Variants in HSD11B1 observed in about 807,000 individuals in gnomAD.
HSD11B1 encodes 11-beta-hydroxysteroid dehydrogenase 1.
A neutral mutation model predicts 22.1 loss-of-function variants in HSD11B1; 15 were observed. The observed-to-expected ratio is 0.68, with a 90% CI of 0.45 to 1.04. The LOEUF is 1.04. Ranked by LOEUF, HSD11B1 falls within the 50% of genes least tolerant of loss-of-function variation. HSD11B1 has a pLI of 0.00. For missense variants in HSD11B1, 281 were observed against 357.6 expected, an observed-to-expected ratio of 0.79 and a Z score of 1.73; for synonymous variants, 122 against 125.2, an observed-to-expected ratio of 0.97 and a Z score of 0.17.
intron 4 of HSD11B1, among the ~76,000 whole-genome samples, chr1:209,720,504 C>G (rs1436140603): frequency 2.6e-5 from 4 of 151,410 alleles, no homozygotes; most frequent in Non-Finnish European, 5.9e-5. Context: ...ACATGACATT[C>G]TCTTGCTTGC....
In HSD11B1 at chr1:209,732,439, A is replaced by C. The variant is rs2077041261; in HGVS notation, c.521A>C (p.Lys174Thr). 6.2e-7 allele frequency: 1 copy of C among 1,613,984 alleles called. No homozygotes were observed. The highest frequency in any genetic ancestry group is 8.5e-7 in the Non-Finnish European group (1 of 1,180,000). Residue 174 changes from lysine to threonine, a missense_variant, in exon 5 of 6, where the codon AAA becomes ACA. By Grantham distance (78) the Lys-to-Thr change is moderately conservative. Coordinates refer to ENST00000367027, the MANE Select transcript of HSD11B1 (RefSeq NM_005525.4). ...SIVVVSSLAG[K>T]VAYPMVAAYS... ...ATTTCTTTAATCTGTCATTTAGGGA[A>C]AGTGGCTTATCCAATGGTTGCTGCC...
chr1:209,708,434 G>A (rs987510232), intron 4 of HSD11B1, among the ~76,000 whole-genome samples: 1 of 152,172 alleles, frequency 6.6e-6, no homozygotes, highest in African/African-American at 2.4e-5. Context: ...TTGGATAAAG[G>A]GGCAGTGTGT....
At chr1:209,694,718 T>A (rs1260822146) in intron 1 of HSD11B1, among the ~76,000 whole-genome samples, 1 of 152,262 alleles carries the variant, frequency 6.6e-6, no homozygotes, top group Non-Finnish European at 1.5e-5. Context: ...GGGATATTCA[T>A]GTCTTAAGTT....
chr1:209,711,640 G>A (rs2076896128), intron 4 of HSD11B1, among the ~76,000 whole-genome samples: 2 of 152,090 alleles, frequency 1.3e-5, no homozygotes, highest in Non-Finnish European at 2.9e-5. Context: ...GTGTAGACGT[G>A]TCATCCATAG....
chr1:209,709,544 A>G (rs2076881391), intron 4 of HSD11B1, among the ~76,000 whole-genome samples: 1 of 152,112 alleles, frequency 6.6e-6, no homozygotes, highest in Non-Finnish European at 1.5e-5. Context: ...TATTTATCTC[A>G]CACAAAACAC....
At chr1:209,695,862 T>C (rs1415513324) in intron 1 of HSD11B1, among the ~76,000 whole-genome samples, 2 of 152,202 alleles carry the variant, frequency 1.3e-5, no homozygotes, top group Non-Finnish European at 2.9e-5. Context: ...AATGCCACTC[T>C]TGGGCATGTA....
At chr1:209,714,679 AT>A (rs2076919497) in intron 4 of HSD11B1, among the ~76,000 whole-genome samples, 1 of 152,234 alleles carries the variant, frequency 6.6e-6, no homozygotes, top group East Asian at 1.9e-4. Flanking sequence ...TGTCTGATGC[AT>A]TGTCGAGCAT....
chr1:209,692,547 T>C (rs1406551298), intron 1 of HSD11B1, among the ~76,000 whole-genome samples: 1 of 131,230 alleles, frequency 7.6e-6, no homozygotes, highest in East Asian at 2.2e-4. Context: ...AGGCACCCCC[T>C]GGGGGATGAT....
intron 1 of HSD11B1, among the ~76,000 whole-genome samples, chr1:209,695,723 C>T (rs2076786822): frequency 6.6e-6 from 1 of 152,176 alleles, no homozygotes. Flanking sequence ...AGGAGAATCG[C>T]TTGAACCTGG....
At chr1:209,725,059 C>T (rs888499556) in intron 4 of HSD11B1, among the ~76,000 whole-genome samples, 4 of 152,132 alleles carry the variant, frequency 2.6e-5, no homozygotes, top group Non-Finnish European at 2.9e-5. Flanking sequence ...AGTGAGGCTA[C>T]TTAAATCCTT....
rs11802270 is a variant in HSD11B1, at chr1:209,717,712, C to T, written c.517+10584C>T. Among the ~76,000 whole-genome samples the T allele has an allele frequency of 4.0e-3, 607 of 151,750 alleles. 8 individuals carry two copies. The highest frequency in any genetic ancestry group is 0.014 in the African/African-American group (574 of 41,404). ...CTCTACTAAAAATACAAAAATTAGC[C>T]AGGCTTGGTGGCCTATGCCTGTAAT... On this transcript the variant is annotated intron_variant, in intron 4 of 5. Transcript: ENST00000367027.
chr1:209,731,155 T>C (rs2077033477), intron 4 of HSD11B1, among the ~76,000 whole-genome samples: 1 of 152,230 alleles, frequency 6.6e-6, no homozygotes, highest in South Asian at 2.1e-4. Flanking sequence ...CTGAATCCTA[T>C]ACATAAGCTC....
At chr1:209,733,089 C>G (rs748128547) in intron 5 of HSD11B1, among the ~76,000 whole-genome samples, 2 of 152,174 alleles carry the variant, frequency 1.3e-5, no homozygotes, top group Non-Finnish European at 2.9e-5. Flanking sequence ...CATCACTTAA[C>G]CCTTTGCTGA....
In HSD11B1 at chr1:209,706,784, G is replaced by C. The variant is rs200402963; in HGVS notation, c.295G>C (p.Ala99Pro). The change falls in exon 3 of 6, where the codon GCA becomes CCA. Residue 99 changes from alanine to proline, a missense_variant. Coordinates refer to ENST00000367027, the MANE Select transcript of HSD11B1 (RefSeq NM_005525.4). This position sits in a 1 kb window ranked among gnomAD's most constrained non-coding sequence, Gnocchi z 4.0. ...IAGTMEDMTF[A>P]EQFVAQAGKL... ...TGGCACCATGGAAGACATGACCTTC[G>C]CAGAGCAATTTGTTGCCCAAGCAGG... 2 of 1,614,058 alleles carry C rather than the reference G, an allele frequency of 1.2e-6. No homozygotes were observed. Among genetic ancestry groups the C allele is most frequent in the South Asian group, 2.2e-5 (2 of 91,086 alleles).
chr1:209,713,392 T>TATGC (rs1198267541), intron 4 of HSD11B1, among the ~76,000 whole-genome samples: 2 of 152,236 alleles, frequency 1.3e-5, no homozygotes, highest in African/African-American at 4.8e-5. Context: ...ATTGTGTGTG[T>TATGC]ATGCATGCAT....
chr1:209,710,773 C>G (rs1424883982), intron 4 of HSD11B1, among the ~76,000 whole-genome samples: 1 of 152,156 alleles, frequency 6.6e-6, no homozygotes, highest in Non-Finnish European at 1.5e-5. Flanking sequence ...AATAAAAGAA[C>G]CTTGTCAATA....
At chr1:209,691,207 C>T (rs1271531865) in intron 1 of HSD11B1, among the ~76,000 whole-genome samples, 1 of 152,140 alleles carries the variant, frequency 6.6e-6, no homozygotes, top group Non-Finnish European at 1.5e-5. Context: ...ACCTAGAAAT[C>T]CTTACCCGGC....
At chr1:209,733,210 A>G (rs1389442550) in intron 5 of HSD11B1, among the ~76,000 whole-genome samples, 44 of 152,246 alleles carry the variant, frequency 2.9e-4, no homozygotes, top group Admixed American at 2.7e-3. Flanking sequence ...ACACACTGGT[A>G]TCATGAACTC....
intron 4 of HSD11B1, among the ~76,000 whole-genome samples, chr1:209,721,128 G>C (rs142555180): frequency 3.3e-5 from 5 of 152,178 alleles, no homozygotes; most frequent in Non-Finnish European, 7.4e-5. Flanking sequence ...AGAGTCTTTG[G>C]GGGGAATGCG....
Sources: allele counts gnomAD v4.1 joint callset (sites outside exome capture counted in the v4.1 genomes callset), GRCh38; gene constraint gnomAD v4.1.1; non-coding constraint Gnocchi (gnomAD v3.1); transcripts MANE v1.5; gene names NCBI Gene and HGNC (gene_info 2026-07-23, HGNC 2026-07-21).